Variants in EXOC7 observed in about 807,000 individuals in gnomAD.
EXOC7 encodes exocyst complex component 7.
EXOC7 carries 51 observed loss-of-function variants against 87.6 expected under a neutral mutation model. The ratio of observed to expected loss-of-function variants is 0.58; its 90% CI spans 0.46 to 0.73. The LOEUF (loss-of-function observed/expected upper bound fraction) is 0.73. Ranked by LOEUF, EXOC7 falls within the 30% of genes least tolerant of loss-of-function variation. EXOC7 has a pLI of 0.00. For synonymous variants in EXOC7, 327 were observed against 357.1 expected, an observed-to-expected ratio of 0.92 and a Z score of 0.95; for missense variants, 744 against 888.4, an observed-to-expected ratio of 0.84 and a Z score of 2.07.
chr17:76,090,947 C>A, intron 7 of EXOC7, 196 bp downstream of exon 7: 1 of 617,526 alleles, frequency 1.6e-6, no homozygotes. Context: ...CTGCCATCAG[C>A]CAGAGAGGAC....
At chr17:76,096,925 T>C (rs2067787813) in intron 5 of EXOC7, among the ~76,000 whole-genome samples, 1 of 151,978 alleles carries the variant, frequency 6.6e-6, no homozygotes, top group Non-Finnish European at 1.5e-5. Context: ...TCTTAGCTCA[T>C]TGCAACCTCC....
intron 7 of EXOC7, chr17:76,090,939 G>T: frequency 1.6e-6 from 1 of 608,958 alleles, no homozygotes; most frequent in Non-Finnish European, 2.9e-6. Flanking sequence ...GGGCAGAGCT[G>T]CCATCAGCCA....
chr17:76,087,574 A>G, intron 12 of EXOC7, 80 bp downstream of exon 12: 1 of 1,395,528 alleles, frequency 7.2e-7, no homozygotes, highest in East Asian at 2.5e-5. Flanking sequence ...ATACCTCCTC[A>G]CTGCTACCTG....
In EXOC7 at chr17:76,085,804, A is replaced by G. The variant is rs2067186510; in HGVS notation, c.1496-7T>C. 1.2e-6 allele frequency: 2 copies of G among 1,601,512 alleles called. No homozygotes were observed. Among genetic ancestry groups the G allele is most frequent in the Non-Finnish European group, 1.7e-6 (2 of 1,173,038 alleles). ...AGGTTGCCCAGCACTTTACCTGCAC[A>G]GGGAAAAATGGGGCCACACCCACCA... On this transcript the variant is annotated splice_polypyrimidine_tract_variant and splice_region_variant and intron_variant, in intron 13 of 18. Coordinates refer to ENST00000589210, the MANE Select transcript of EXOC7 (RefSeq NM_001013839.4).
rs1315420396 is a variant in EXOC7 at position 76,103,723 on chromosome 17, G to A, written c.-31C>T. 2 of 1,584,536 alleles carry A rather than the reference G, an allele frequency of 1.3e-6. No homozygotes were observed. The highest frequency in any genetic ancestry group is 1.4e-5 in the African/African-American group (1 of 73,730). On this transcript the variant is annotated 5_prime_UTR_variant, in exon 1 of 19. Coordinates refer to ENST00000589210, the MANE Select transcript of EXOC7 (RefSeq NM_001013839.4). The stretch of plus-strand genomic sequence containing the variant: ...TGAACCCCGCGGCTCCCACTCCCCA[G>A]TATCTTTCCTCCGCGGGCCCACCGG...
intron 11 of EXOC7, 105 bp from the exon 12 acceptor site, chr17:76,087,825 G>T: frequency 8.1e-7 from 1 of 1,228,676 alleles, no homozygotes; most frequent in Non-Finnish European, 1.2e-6. Flanking sequence ...GCTGGGATCC[G>T]CCCAGTGAAG....
chr17:76,088,559 T>C lies in EXOC7; in HGVS notation c.1204A>G (p.Thr402Ala), dbSNP rs760022098. 1.2e-6 allele frequency: 2 copies of C among 1,613,250 alleles called. No homozygotes were observed. Among genetic ancestry groups the C allele is most frequent in the Non-Finnish European group, 8.5e-7 (1 of 1,179,708 alleles). Residue 402 changes from threonine (T) to alanine (A), a missense_variant, in exon 10 of 19, where the codon ACG (threonine) becomes GCG (alanine). By Grantham distance (58) the Thr-to-Ala change is moderately conservative. Transcript: ENST00000589210. ...AGCTTGTTCTTTGTGCTGGCAGCCG[T>C]GCCCTGAGGAAGCACAGGGGAGCCC... ...KPEFDQVLQG[T>A]AASTKNKLPG...
At position 76,087,150 on chromosome 17, in the gene EXOC7, G is replaced by A. The variant is rs558071711; in HGVS notation, c.1429+504C>T. 203 of 469,034 alleles carry A rather than the reference G, an allele frequency of 4.3e-4. 1 individual carries two copies. Among genetic ancestry groups the A allele is most frequent in the African/African-American group, 7.5e-4 (38 of 50,696 alleles). 29.1% of individuals were successfully genotyped at this position (469,034 alleles called of 1,614,324 possible). On this transcript the variant is annotated intron_variant, in intron 12 of 18. Transcript: ENST00000589210. ...AGGCTCCTTGCCCCCAAAATGGGAC[G>A]GGAGGAGAGGGCCCAGGGACCTCAG... is the stretch of plus-strand genomic sequence containing the variant.
At chr17:76,087,540 C>T (rs1242281106) in intron 12 of EXOC7, 114 bp downstream of exon 12, 9 of 1,087,220 alleles carry the variant, frequency 8.3e-6, no homozygotes, top group African/African-American at 1.6e-5. Flanking sequence ...GCTGAGCACA[C>T]CTCAACCCCT....
intron 6 of EXOC7, chr17:76,092,299 T>G (rs917601752): frequency 2.0e-5 from 3 of 146,830 alleles, no homozygotes; most frequent in African/African-American, 7.8e-5. Flanking sequence ...TTGTTTTTTT[T>G]TTTTTTTTTT....
Position 76,088,120 on chromosome 17 carries a change from A to G in EXOC7, c.1302T>C (p.Asn434=). 6.2e-7 allele frequency: 1 copy of G among 1,613,830 alleles called. No individual in the cohort carries two copies. Among genetic ancestry groups the G allele is most frequent in the South Asian group, 1.1e-5 (1 of 91,052 alleles). The change falls in exon 11 of 19, where the codon AAT becomes AAC. Residue 434 remains asparagine (N), a splice_region_variant and synonymous_variant. Coordinates refer to ENST00000589210, the MANE Select transcript of EXOC7 (RefSeq NM_001013839.4). ...ALEDFADNIK[N]DPDKEYNMPK... The stretch of plus-strand genomic sequence containing the variant: ...GCATGTTGTACTCCTTGTCCGGGTC[A>G]TTCTGTGGAAAAACAGCCTCTGGTT...
Position 76,103,293 on chromosome 17 carries a change from G to T in EXOC7, c.126+68C>A, listed in dbSNP as rs768695811. The T allele has an allele frequency of 4.5e-5, 66 of 1,455,318 alleles. No individual in the cohort carries two copies. The Middle Eastern group carries it at 2.8e-3, about 61-fold the overall frequency. The allele number at this position is 1,455,318 out of a possible 1,614,324, so 90.2% of individuals were successfully genotyped here. On this transcript the variant is annotated intron_variant, in intron 2 of 18. Coordinates refer to ENST00000589210, the MANE Select transcript of EXOC7 (RefSeq NM_001013839.4). The stretch of plus-strand genomic sequence containing the variant: ...ACTCCAGGCCGCAGGAACCGGAACC[G>T]CCAGGTCGCAAGGCTCTCCCCCAGG...
At position 76,081,732 on chromosome 17, in the gene EXOC7, C is replaced by A. The variant is rs200322374; in HGVS notation, c.*1916G>T. 48 of 1,613,810 alleles carry A rather than the reference C, an allele frequency of 3.0e-5. No homozygotes were observed. The highest frequency in any genetic ancestry group is 3.8e-5 in the Non-Finnish European group (45 of 1,179,854). On this transcript the variant is annotated 3_prime_UTR_variant, in exon 19 of 19. Coordinates refer to ENST00000589210, the MANE Select transcript of EXOC7 (RefSeq NM_001013839.4). ...TCCCTGGTGCAGGCCCTGCCCAGCT[C>A]CTCCTCCTGCAACCCACTGCTCAGT... is the stretch of plus-strand genomic sequence containing the variant.
At chr17:76,096,176 T>G (rs1307437837) in intron 5 of EXOC7, among the ~76,000 whole-genome samples, 2 of 152,118 alleles carry the variant, frequency 1.3e-5, no homozygotes, top group Non-Finnish European at 2.9e-5. Flanking sequence ...CGCTGACAAC[T>G]TGGTATGTGT....
At chr17:76,085,535 T>G in intron 14 of EXOC7, 126 bp from the exon 15 acceptor site, 1 of 1,518,272 alleles carries the variant, frequency 6.6e-7, no homozygotes, top group Non-Finnish European at 9.1e-7. Context: ...CATCCCACCT[T>G]CCGGGTCCTG....
In EXOC7 at chr17:76,099,567, A is replaced by G. The variant is rs370600390; in HGVS notation, c.418-1549T>C. On this transcript the variant is annotated intron_variant, in intron 4 of 18. Transcript: ENST00000589210. ...AACTGTGGTCTATCCACAAAAAGGAATATCATATGGCATGAAAATGAAATG... is the reference window on the plus strand; with the variant it reads ...AACTGTGGTCTATCCACAAAAAGGAGTATCATATGGCATGAAAATGAAATG... 2.2e-4 allele frequency among the ~76,000 whole-genome samples: 33 copies of G among 152,336 alleles called. No homozygotes were observed. In the South Asian group the frequency reaches 6.2e-3, roughly 29 times the overall value.
Position 76,083,444 on chromosome 17 carries a change from G to C in EXOC7, c.*204C>G. On this transcript the variant is annotated 3_prime_UTR_variant, in exon 19 of 19. Transcript: ENST00000589210. The stretch of plus-strand genomic sequence containing the variant: ...GGAGGGACCCCAGGCTTCCGGGAGA[G>C]TGCTGGTTCGGCTGGGAACACGGGC... 1.7e-6 allele frequency: 1 copy of C among 589,208 alleles called. No homozygotes were observed. The highest frequency in any genetic ancestry group is 2.9e-5 in the Admixed American group (1 of 34,760). The allele number at this position is 589,208 out of a possible 1,614,324, so 36.5% of individuals were successfully genotyped here.
At chr17:76,102,846 G>C (rs1365776520) in intron 2 of EXOC7, among the ~76,000 whole-genome samples, 1 of 152,184 alleles carries the variant, frequency 6.6e-6, no homozygotes, top group African/African-American at 2.4e-5. Flanking sequence ...CACAGTCTCT[G>C]TTTTAGCAGA....
Position 76,081,112 on chromosome 17 carries a change from A to G in EXOC7, c.*2536T>C, listed in dbSNP as rs1159741794. ...ACTGGAGACAATTTGGGATGTTGCA[A>G]AACAAGGTTTGGGAAGCCCTTCTAT... On this transcript the variant is annotated 3_prime_UTR_variant, in exon 19 of 19. Coordinates refer to ENST00000589210, the MANE Select transcript of EXOC7 (RefSeq NM_001013839.4). The G allele has an allele frequency of 3.4e-6, 3 of 894,864 alleles. No homozygotes were observed. The highest frequency in any genetic ancestry group is 5.1e-6 in the Non-Finnish European group (3 of 583,576). 55.4% of individuals were successfully genotyped at this position (894,864 alleles called of 1,614,324 possible).
Sources: allele counts gnomAD v4.1 joint callset (sites outside exome capture counted in the v4.1 genomes callset), GRCh38; gene constraint gnomAD v4.1.1; transcripts MANE v1.5; gene names NCBI Gene and HGNC (gene_info 2026-07-23, HGNC 2026-07-21).